IPO11: variants seen among roughly 807,000 people sequenced by gnomAD.
IPO11 encodes importin 11, also known as importin-11.
A neutral mutation model predicts 143.2 loss-of-function variants in IPO11; 66 were observed. The ratio of observed to expected loss-of-function variants is 0.46; its 90% CI spans 0.38 to 0.57. The LOEUF is 0.57. Among genes scored for constraint, IPO11 ranks in the 20% least tolerant of loss-of-function variants. The pLI, the probability that IPO11 is intolerant of heterozygous loss-of-function variation, is 0.00. For missense variants in IPO11, 1,026 were observed against 1,141.0 expected (o/e 0.90, Z 1.45); for synonymous variants, 385 against 377.8 (o/e 1.02, Z -0.22).
chr5:62,514,666 T>TA (rs542037640), intron 19 of IPO11, among the ~76,000 whole-genome samples: 38 of 151,804 alleles, frequency 2.5e-4, no homozygotes, highest in African/African-American at 8.5e-4. Context: ...AGGATATTCT[T>TA]AGAGCAATTT....
chr5:62,538,100 A>G (rs1358932679), intron 24 of IPO11, among the ~76,000 whole-genome samples: 1 of 152,198 alleles, frequency 6.6e-6, no homozygotes, highest in Non-Finnish European at 1.5e-5. Context: ...CTAAGATATG[A>G]GAGCTGAATT....
intron 1 of IPO11, among the ~76,000 whole-genome samples, chr5:62,421,988 A>G (rs1384898465): frequency 1.3e-5 from 2 of 152,208 alleles, no homozygotes; most frequent in Non-Finnish European, 2.9e-5. Context: ...CACTCAGCAA[A>G]AAGTTTTGCC....
intron 5 of IPO11, among the ~76,000 whole-genome samples, chr5:62,455,029 G>A (rs1013840969): frequency 6.6e-6 from 1 of 152,188 alleles, no homozygotes; most frequent in Admixed American, 6.5e-5. Context: ...GGACTAGGAA[G>A]GGTATCCTGT....
At chr5:62,624,921 C>T (rs556671277) in intron 29 of IPO11, among the ~76,000 whole-genome samples, 1 of 146,796 alleles carries the variant, frequency 6.8e-6, no homozygotes, top group East Asian at 2.1e-4. Flanking sequence ...GGAGGCGGAG[C>T]TTGCAGTGAG....
intron 14 of IPO11, among the ~76,000 whole-genome samples, chr5:62,489,877 A>C (rs1265553781): frequency 2.0e-5 from 3 of 152,232 alleles, no homozygotes; most frequent in African/African-American, 7.2e-5. Context: ...AGTTGGACTT[A>C]AATATTTTAG....
In IPO11 at chr5:62,470,816, C is replaced by CTTTTTTTTTTTTTTTTTTTTT. The variant is rs70981015; in HGVS notation, c.708+517_708+537dup. On this transcript the variant is annotated intron_variant, in intron 7 of 29. Coordinates refer to ENST00000325324, the MANE Select transcript of IPO11 (RefSeq NM_016338.5). ...TTCATTGTCTGTAGATAGCCATCTT[C>CTTTTTTTTTTTTTTTTTTTTT]TTTTTTTTTTTTTTTTTTTTTTTTT... is the stretch of plus-strand genomic sequence containing the variant. Among the ~76,000 whole-genome samples, 26 of 62,560 alleles carry CTTTTTTTTTTTTTTTTTTTTT rather than the reference C, an allele frequency of 4.2e-4. 5 individuals carry two copies. The highest frequency in any genetic ancestry group is 2.1e-3 in the East Asian group (3 of 1,418). The allele number at this position is 62,560 out of a possible 152,430, so 41.0% of individuals were successfully genotyped here. A position where few individuals can be genotyped will look rare whatever the true frequency, so the allele number is the denominator to read the frequency against.
At chr5:62,503,720 C>G (rs903383702) in intron 16 of IPO11, among the ~76,000 whole-genome samples, 4 of 152,164 alleles carry the variant, frequency 2.6e-5, no homozygotes, top group African/African-American at 9.7e-5. Context: ...GAAAAAACAT[C>G]TGCACTGTAG....
chr5:62,497,923 C>T (rs190166899), intron 16 of IPO11, among the ~76,000 whole-genome samples: 4 of 152,238 alleles, frequency 2.6e-5, no homozygotes, highest in East Asian at 1.9e-4. Context: ...GTGGTCCATA[C>T]GGCTGTCTCT....
intron 20 of IPO11, among the ~76,000 whole-genome samples, chr5:62,516,776 A>G (rs1268074166): frequency 6.6e-6 from 1 of 152,146 alleles, no homozygotes; most frequent in Admixed American, 6.5e-5. Flanking sequence ...TAGTGTATGA[A>G]TATATTAAAT....
chr5:62,503,360 TA>T, intron 16 of IPO11, among the ~76,000 whole-genome samples: 1 of 142,428 alleles, frequency 7.0e-6, no homozygotes, highest in South Asian at 2.2e-4. Flanking sequence ...ATTAATATAT[TA>T]ATAGTATCTA....
intron 1 of IPO11, chr5:62,418,927 A>G: frequency 1.4e-6 from 2 of 1,456,846 alleles, no homozygotes; most frequent in South Asian, 1.4e-5. Flanking sequence ...AGATACAGTC[A>G]CGAGTTGCTT....
chr5:62,503,208 C>G (rs564864210), intron 16 of IPO11, among the ~76,000 whole-genome samples: 123 of 152,024 alleles, frequency 8.1e-4, no homozygotes, highest in Admixed American at 3.3e-3. Context: ...TCACTCAGTA[C>G]TAAATGCTGG....
chr5:62,474,181 A>G (rs1383559989), intron 7 of IPO11, among the ~76,000 whole-genome samples: 1 of 152,210 alleles, frequency 6.6e-6, no homozygotes, highest in Non-Finnish European at 1.5e-5. Flanking sequence ...TATTCATTGC[A>G]AAGTGATTTA....
chr5:62,490,149 C>T lies in IPO11; in HGVS notation c.1392C>T (p.Leu464=), dbSNP rs747304500. The T allele has an allele frequency of 1.6e-5, 25 of 1,605,648 alleles. No homozygotes were observed. In the South Asian group the frequency reaches 2.6e-4, roughly 17 times the overall value. The change falls in exon 15 of 30, where the codon CTC becomes CTT. Residue 464 remains leucine (L), a synonymous_variant. Transcript: ENST00000325324. ...YNAVGLAAYE[L]FDSVDFDQWF... is the part of the protein sequence containing the mutation. ...CTGTTGGATTAGCTGCTTATGAGCT[C>T]TTTGACAGTGTTGATTTTGATCAGT... is the stretch of plus-strand genomic sequence containing the variant.
chr5:62,457,944 C>G (rs573600327), intron 5 of IPO11, among the ~76,000 whole-genome samples: 2 of 152,050 alleles, frequency 1.3e-5, no homozygotes, highest in African/African-American at 4.8e-5. Context: ...GTCAGGAGAT[C>G]GAGACCATCC....
At chr5:62,535,313 A>G (rs538779908) in intron 22 of IPO11, among the ~76,000 whole-genome samples, 12 of 152,228 alleles carry the variant, frequency 7.9e-5, no homozygotes, top group African/African-American at 2.9e-4. Flanking sequence ...GAATGAAGCC[A>G]TTCTCAGTTC....
intron 24 of IPO11, among the ~76,000 whole-genome samples, chr5:62,545,386 G>A (rs1394570575): frequency 4.6e-5 from 7 of 152,268 alleles, no homozygotes; most frequent in Admixed American, 6.5e-5. Flanking sequence ...TGGGAAAACT[G>A]GCTAGCCATA....
intron 1 of IPO11, among the ~76,000 whole-genome samples, chr5:62,432,541 A>G (rs1025381536): frequency 6.6e-6 from 1 of 152,346 alleles, no homozygotes; most frequent in Non-Finnish European, 1.5e-5. Flanking sequence ...TTGTGGCTCA[A>G]AAGCCACAGA....
At chr5:62,519,290 G>C (rs1042926027) in intron 20 of IPO11, among the ~76,000 whole-genome samples, 1 of 152,046 alleles carries the variant, frequency 6.6e-6, no homozygotes, top group African/African-American at 2.4e-5. Flanking sequence ...AGATAAAGGA[G>C]TTAGTTCTTA....
Sources: allele counts gnomAD v4.1 joint callset (sites outside exome capture counted in the v4.1 genomes callset), GRCh38; gene constraint gnomAD v4.1.1; transcripts MANE v1.5; gene names NCBI Gene and HGNC (gene_info 2026-07-23, HGNC 2026-07-21).